BTBD9: variants seen among roughly 807,000 people sequenced by gnomAD.
The protein encoded by BTBD9 is BTB/POZ domain-containing protein 9.
In BTBD9, 49 loss-of-function variants were observed where a neutral mutation model predicts 64.3. The ratio of observed to expected loss-of-function variants is 0.76; its 90% CI spans 0.61 to 0.97. BTBD9 has a LOEUF of 0.97. Ranked by LOEUF, BTBD9 falls within the 50% of genes least tolerant of loss-of-function variation. The probability of loss-of-function intolerance (pLI) is 0.00; values close to 1 mark genes in which losing one functional copy is unlikely to be tolerated. For synonymous variants in BTBD9, 260 were observed against 274.7 expected, an observed-to-expected ratio of 0.95 and a Z score of 0.53; for missense variants, 598 against 762.1, an observed-to-expected ratio of 0.78 and a Z score of 2.53.
chr6:38,179,853 G>A (rs988678123), intron 10 of BTBD9: 4 of 456,712 alleles, frequency 8.8e-6, no homozygotes, highest in Admixed American at 4.7e-5. Context: ...AGAGGAAGGT[G>A]TGCACAGGTG....
intron 6 of BTBD9, among the ~76,000 whole-genome samples, chr6:38,377,640 C>A (rs1025780890): frequency 2.6e-5 from 4 of 152,082 alleles, no homozygotes; most frequent in African/African-American, 4.8e-5. Context: ...CAGAACTATA[C>A]CTCACTCACT....
chr6:38,505,597 C>T (rs557434930), intron 6 of BTBD9, among the ~76,000 whole-genome samples: 2 of 151,570 alleles, frequency 1.3e-5, no homozygotes, highest in African/African-American at 4.8e-5. Context: ...GCACTCCAGC[C>T]TGAGCGACAC....
At chr6:38,551,012 T>C (rs1462983978) in intron 6 of BTBD9, among the ~76,000 whole-genome samples, 2 of 152,242 alleles carry the variant, frequency 1.3e-5, no homozygotes, top group Admixed American at 6.5e-5. Flanking sequence ...GAACACTCTT[T>C]GCCCACATTG....
chr6:38,245,038 T>G (rs1317919293), intron 9 of BTBD9, among the ~76,000 whole-genome samples: 1 of 152,116 alleles, frequency 6.6e-6, no homozygotes, highest in Admixed American at 6.5e-5. Context: ...GAAACCAACA[T>G]GCATACGTGA....
At chr6:38,277,237 T>G (rs1482380456) in intron 8 of BTBD9, among the ~76,000 whole-genome samples, 1 of 152,098 alleles carries the variant, frequency 6.6e-6, no homozygotes, top group Non-Finnish European at 1.5e-5. Context: ...TTTCAAGAAG[T>G]AAGTGTCATG....
At chr6:38,486,356 T>G (rs1771421543) in intron 6 of BTBD9, among the ~76,000 whole-genome samples, 1 of 152,252 alleles carries the variant, frequency 6.6e-6, no homozygotes, top group South Asian at 2.1e-4. Context: ...GCAAACTGTC[T>G]TAAGAGGCTT....
At chr6:38,392,450 C>T (rs1766462057) in intron 6 of BTBD9, among the ~76,000 whole-genome samples, 1 of 152,156 alleles carries the variant, frequency 6.6e-6, no homozygotes, top group African/African-American at 2.4e-5. Context: ...GACACAGCAA[C>T]TCCTTTTTAA....
At chr6:38,417,801 A>AGAGAG (rs56268245) in intron 6 of BTBD9, among the ~76,000 whole-genome samples, 20,731 of 136,726 alleles carry the variant, frequency 0.15, 1,753 homozygotes, top group Non-Finnish European at 0.2. Context: ...AGAGAGAGAG[A>AGAGAG]AAAAAAATAT....
At chr6:38,338,069 G>A (rs1377188514) in intron 7 of BTBD9, among the ~76,000 whole-genome samples, 1 of 152,174 alleles carries the variant, frequency 6.6e-6, no homozygotes, top group Non-Finnish European at 1.5e-5. Flanking sequence ...TGCTTCTGCT[G>A]CTGATTTTGG....
chr6:38,550,911 G>A (rs1774775700), intron 6 of BTBD9, among the ~76,000 whole-genome samples: 1 of 152,048 alleles, frequency 6.6e-6, no homozygotes, highest in Non-Finnish European at 1.5e-5. Flanking sequence ...TTCTGACACC[G>A]TCTTATACTA....
chr6:38,258,934 G>A (rs1000096327), intron 8 of BTBD9, among the ~76,000 whole-genome samples: 1 of 152,112 alleles, frequency 6.6e-6, no homozygotes. Context: ...TGATCATGAT[G>A]GCCAACATTT....
chr6:38,272,225 C>T (rs1419124986), intron 8 of BTBD9, among the ~76,000 whole-genome samples: 2 of 152,050 alleles, frequency 1.3e-5, no homozygotes, highest in Admixed American at 6.6e-5. Context: ...GTTTTATAGT[C>T]TTTGATAAGG....
chr6:38,513,596 A>C (rs1219666094), intron 6 of BTBD9, among the ~76,000 whole-genome samples: 3 of 152,180 alleles, frequency 2.0e-5, no homozygotes, highest in Non-Finnish European at 4.4e-5. Context: ...AAATGAACCC[A>C]AGCAATGATT....
At chr6:38,434,589 G>C (rs969593260) in intron 6 of BTBD9, among the ~76,000 whole-genome samples, 1 of 151,828 alleles carries the variant, frequency 6.6e-6, no homozygotes. Context: ...ATGTTGTCAG[G>C]GTCTCCTGAG....
Position 38,184,802 on chromosome 6 carries a change from G to T in BTBD9, c.1641+7717C>A, listed in dbSNP as rs9470815. On this transcript the variant is annotated intron_variant, in intron 10 of 10. Coordinates refer to ENST00000481247, the MANE Select transcript of BTBD9 (RefSeq NM_001099272.2). This position sits in a 1 kb window ranked among gnomAD's most constrained non-coding sequence, Gnocchi z 4.4. ...CTTTAAGAGTCTGTTTCCCTGTTTT[G>T]TTTTTTTCCATTAGAGCCACATGTT... Among the ~76,000 whole-genome samples, 2,966 of 152,122 alleles carry T rather than the reference G, an allele frequency of 0.019. 95 individuals are homozygous for T. The highest frequency in any genetic ancestry group is 0.067 in the African/African-American group (2,767 of 41,450).
At chr6:38,302,485 GTATATA>G (rs59324806) in intron 7 of BTBD9, among the ~76,000 whole-genome samples, 2,129 of 106,818 alleles carry the variant, frequency 0.02, 77 homozygotes, top group African/African-American at 0.062. Context: ...TTGTGTGTAT[GTATATA>G]TATATATATA....
At chr6:38,461,099 G>A (rs1442773200) in intron 6 of BTBD9, among the ~76,000 whole-genome samples, 1 of 152,260 alleles carries the variant, frequency 6.6e-6, no homozygotes. Context: ...GAATGGCACA[G>A]TAAGTTTTAT....
At chr6:38,465,461 C>CAAA (rs762391834) in intron 6 of BTBD9, among the ~76,000 whole-genome samples, 31 of 67,484 alleles carry the variant, frequency 4.6e-4, no homozygotes, top group African/African-American at 1.4e-3. Flanking sequence ...ACTAAAAATA[C>CAAA]AAAAAAAAAA....
chr6:38,197,166 C>G (rs760771079), intron 9 of BTBD9, among the ~76,000 whole-genome samples: 3 of 152,174 alleles, frequency 2.0e-5, no homozygotes, highest in Non-Finnish European at 4.4e-5. Flanking sequence ...TACAAAGTGT[C>G]TTAGAGTCGT....
Sources: allele counts gnomAD v4.1 joint callset (sites outside exome capture counted in the v4.1 genomes callset), GRCh38; gene constraint gnomAD v4.1.1; non-coding constraint Gnocchi (gnomAD v3.1); transcripts MANE v1.5; gene names NCBI Gene and HGNC (gene_info 2026-07-23, HGNC 2026-07-21).